PTPRA: variants seen among roughly 807,000 people sequenced by gnomAD.
PTPRA encodes the protein receptor-type tyrosine-protein phosphatase alpha.
PTPRA carries 25 observed loss-of-function variants against 104.8 expected under a neutral mutation model. That is an observed-to-expected ratio of 0.24 (90% CI 0.17 to 0.33). The LOEUF (loss-of-function observed/expected upper bound fraction) is 0.33, where lower values mean the gene tolerates loss of function less well. Ranked by LOEUF, PTPRA falls within the 10% of genes least tolerant of loss-of-function variation. The pLI, the probability that PTPRA is intolerant of heterozygous loss-of-function variation, is 1.00. For synonymous variants in PTPRA, 323 were observed against 368.9 expected (o/e 0.88, Z 1.43); for missense variants, 765 against 1,015.3 (o/e 0.75, Z 3.35).
rs890761982 is a variant in PTPRA at position 2,954,151 on chromosome 20, C to T, written c.-7+6127C>T. On this transcript the variant is annotated intron_variant, in intron 3 of 23. Coordinates refer to ENST00000399903, the MANE Select transcript of PTPRA (RefSeq NM_001385305.1). The stretch of plus-strand genomic sequence containing the variant: ...GGAGTGCAATGGCATGATCTTGGCT[C>T]ACTGCAACCTCCTCTTCCTGGGTTC... Among the ~76,000 whole-genome samples the T allele has an allele frequency of 1.0e-4, 15 of 147,840 alleles. No homozygotes were observed. In the East Asian group the frequency reaches 2.8e-3, roughly 28 times the overall value.
chr20:3,000,083 A>ACCAACCT (rs2063563305), intron 9 of PTPRA, among the ~76,000 whole-genome samples: 1 of 152,146 alleles, frequency 6.6e-6, no homozygotes, highest in Non-Finnish European at 1.5e-5. Flanking sequence ...CAGGAGTTCG[A>ACCAACCT]GACCAGCCTG....
At chr20:2,876,555 T>C (rs2089731464) in intron 1 of PTPRA, among the ~76,000 whole-genome samples, 1 of 152,266 alleles carries the variant, frequency 6.6e-6, no homozygotes, top group African/African-American at 2.4e-5. Context: ...ATGCTTTTAC[T>C]TATTTAGTTG....
intron 1 of PTPRA, among the ~76,000 whole-genome samples, chr20:2,908,796 C>A (rs1325233127): frequency 6.6e-6 from 1 of 151,896 alleles, no homozygotes; most frequent in Non-Finnish European, 1.5e-5. Flanking sequence ...GTTTTTGTTT[C>A]GACATGATGG....
Position 3,038,150 on chromosome 20 carries a change from G to A in PTPRA, c.*17G>A, listed in dbSNP as rs779000632. Reference sequence around the variant, plus strand: ...TTCAAGTAAGCGGCAACAAGGGTCCGTGGACCAGGAGGATTGCCTTTAATA... The same window carrying A: ...TTCAAGTAAGCGGCAACAAGGGTCCATGGACCAGGAGGATTGCCTTTAATA... On this transcript the variant is annotated 3_prime_UTR_variant, in exon 24 of 24. Coordinates refer to ENST00000399903, the MANE Select transcript of PTPRA (RefSeq NM_001385305.1). 25 of 1,588,654 alleles carry A rather than the reference G, an allele frequency of 1.6e-5. No individual in the cohort carries two copies. Among genetic ancestry groups the A allele is most frequent in the Non-Finnish European group, 2.0e-5 (23 of 1,157,056 alleles).
chr20:2,980,052 A>C (rs2062607005), intron 6 of PTPRA, among the ~76,000 whole-genome samples: 2 of 151,972 alleles, frequency 1.3e-5, no homozygotes, highest in East Asian at 2.0e-4. Context: ...AGCTGGGATT[A>C]CAGGCATGTG....
intron 1 of PTPRA, among the ~76,000 whole-genome samples, chr20:2,914,881 G>A (rs1007094560): frequency 5.3e-5 from 8 of 152,080 alleles, no homozygotes; most frequent in African/African-American, 1.2e-4. Context: ...CATTTGAGTC[G>A]CTATTGGGTA....
rs571809361 is a variant in PTPRA at position 3,033,074 on chromosome 20, C to T, written c.1921-2511C>T. 5.3e-4 allele frequency among the ~76,000 whole-genome samples: 81 copies of T among 152,048 alleles called. 1 individual carries two copies. Among genetic ancestry groups the T allele is most frequent in the South Asian group, 1.0e-3 (5 of 4,818 alleles). On this transcript the variant is annotated intron_variant, in intron 20 of 23. Transcript: ENST00000399903. ...CTAAAACATTGGAGTATACTAGACT[C>T]GGGCGCTAGCCCACTCTGTTTTCTT...
rs777218701 is a variant in PTPRA, at chr20:2,986,798, T to C, written c.476T>C (p.Leu159Pro). ...CCAATTATTGCGGTGATGGTGGCCC[T>C]GTCCTCTCTGCTAGTGATCGTGTTT... is the stretch of plus-strand genomic sequence containing the variant. ...ETPIIAVMVA[L>P]SSLLVIVFII... Residue 159 changes from leucine (L) to proline (P), a missense_variant, in exon 7 of 24, where the codon CTG becomes CCG. By Grantham distance (98) the Leu-to-Pro change is moderately conservative (BLOSUM62 -3). Around this residue, in one of 4 missense-constraint regions of PTPRA, gnomAD observed 256 missense variants for 248.9 expected, o/e 1.03. Transcript: ENST00000399903. 1 of 1,613,358 alleles carries C rather than the reference T, an allele frequency of 6.2e-7. No individual in the cohort carries two copies. Among genetic ancestry groups the C allele is most frequent in the Non-Finnish European group, 8.5e-7 (1 of 1,179,234 alleles).
chr20:2,959,389 T>TA (rs1460213214), intron 3 of PTPRA, among the ~76,000 whole-genome samples: 2 of 152,214 alleles, frequency 1.3e-5, no homozygotes, highest in Non-Finnish European at 2.9e-5. Context: ...TTCATTTGAT[T>TA]AGTGGGGACA....
intron 1 of PTPRA, among the ~76,000 whole-genome samples, chr20:2,877,247 TTTTG>T (rs545873111): frequency 4.9e-4 from 75 of 152,200 alleles, no homozygotes; most frequent in Middle Eastern, 3.4e-3. Context: ...AAGAGATGTT[TTTTG>T]TTTGTTTGTT....
chr20:2,956,617 C>G (rs2061544540), intron 3 of PTPRA, among the ~76,000 whole-genome samples: 2 of 151,918 alleles, frequency 1.3e-5, no homozygotes, highest in South Asian at 4.2e-4. Flanking sequence ...TGTCCCACTG[C>G]ACTCCAACCA....
At position 2,935,628 on chromosome 20, in the gene PTPRA, A is replaced by T. The variant is rs925314851; in HGVS notation, c.-50+12343A>T. Among the ~76,000 whole-genome samples, 3 of 152,188 alleles carry T rather than the reference A, an allele frequency of 2.0e-5. No homozygotes were observed. In the South Asian group the frequency reaches 6.2e-4, roughly 31 times the overall value. ...CGCTGTGTCTCCAAGGCTGTAGCAC[A>T]GTTCTGCAATCATAACTCACTGTAA... is the stretch of plus-strand genomic sequence containing the variant. On this transcript the variant is annotated intron_variant, in intron 2 of 23. Coordinates refer to ENST00000399903, the MANE Select transcript of PTPRA (RefSeq NM_001385305.1).
chr20:2,924,159 C>T (rs1018586820), intron 2 of PTPRA, among the ~76,000 whole-genome samples: 2 of 152,140 alleles, frequency 1.3e-5, no homozygotes, highest in Admixed American at 1.3e-4. Context: ...TGGCTTACAC[C>T]TGTAATCTAA....
intron 1 of PTPRA, among the ~76,000 whole-genome samples, chr20:2,881,238 G>T (rs895907320): frequency 6.6e-6 from 1 of 151,804 alleles, no homozygotes; most frequent in Non-Finnish European, 1.5e-5. Flanking sequence ...CTGAGCCCAG[G>T]AGGCGGAGTT....
intron 2 of PTPRA, among the ~76,000 whole-genome samples, chr20:2,939,878 G>A (rs1441292722): frequency 2.0e-5 from 3 of 152,168 alleles, no homozygotes; most frequent in Non-Finnish European, 4.4e-5. Context: ...AGGCCAAGGC[G>A]AGCGGATCAC....
At chr20:2,908,313 A>G (rs574323938) in intron 1 of PTPRA, among the ~76,000 whole-genome samples, 32 of 152,348 alleles carry the variant, frequency 2.1e-4, no homozygotes, top group Admixed American at 4.6e-4. Context: ...CAAACTGCAC[A>G]GGTCCAATTA....
At chr20:2,994,643 G>A (rs967002653) in intron 9 of PTPRA, among the ~76,000 whole-genome samples, 1 of 152,226 alleles carries the variant, frequency 6.6e-6, no homozygotes, top group African/African-American at 2.4e-5. Context: ...TGAGCCTTTA[G>A]AGTCCATATG....
intron 1 of PTPRA, among the ~76,000 whole-genome samples, chr20:2,895,914 C>T (rs141136162): frequency 1.2e-4 from 18 of 151,958 alleles, no homozygotes; most frequent in East Asian, 1.9e-4. Context: ...GTCAAATTAC[C>T]GATATTTTGG....
At chr20:2,898,974 T>C (rs2147081351) in intron 1 of PTPRA, among the ~76,000 whole-genome samples, 1 of 152,244 alleles carries the variant, frequency 6.6e-6, no homozygotes, top group East Asian at 1.9e-4. Context: ...AAATAAAATA[T>C]GTGCACTACT....
Sources: gnomAD v4.1 joint callset for allele counts (sites outside exome capture counted in the v4.1 genomes callset) on GRCh38, gnomAD v4.1.1 for gene constraint, gnomAD v4.1.1 regional missense constraint, MANE v1.5 for transcripts, NCBI Gene and HGNC (gene_info 2026-07-23, HGNC 2026-07-21) for gene names.